MYH10: variants seen among roughly 807,000 people sequenced by gnomAD.
MYH10 encodes myosin heavy chain 10.
A neutral mutation model predicts 257.8 loss-of-function variants in MYH10; 55 were observed. That is an observed-to-expected ratio of 0.21 (90% CI 0.17 to 0.27). The LOEUF is 0.27. Ranked by LOEUF, MYH10 falls within the 10% of genes least tolerant of loss-of-function variation. The pLI is 1.00. For missense variants in MYH10, 1,631 were observed against 2,500.6 expected (o/e 0.65, Z 7.42); for synonymous variants, 854 against 921.7 (o/e 0.93, Z 1.33).
At chr17:8,494,410 G>T (rs1916257815) in intron 31 of MYH10, among the ~76,000 whole-genome samples, 1 of 152,216 alleles carries the variant, frequency 6.6e-6, no homozygotes, top group Admixed American at 6.5e-5. Context: ...GTGTGGAGCA[G>T]AATTTCTGGG....
rs1319486730 is a variant in MYH10 at position 8,509,890 on chromosome 17, CT to C, written c.3011del (p.Lys1004ArgfsTer2). 2 of 1,613,214 alleles carry C rather than the reference CT, an allele frequency of 1.2e-6. No homozygotes were observed. The highest frequency in any genetic ancestry group is 1.7e-6 in the Non-Finnish European group (2 of 1,179,594). On this transcript the variant is annotated frameshift_variant, in exon 25 of 43. Coordinates refer to ENST00000360416, the MANE Select transcript of MYH10 (RefSeq NM_001256012.3). LOFTEE classifies it high-confidence loss of function. ...EGARQKLQLE[K>X]VTAEAKIKKM... ...TCTTGATCTTGGCCTCTGCTGTCAC[CT>C]TTTCCAGCTGCAGCTTTTGCCGAGC...
intron 7 of MYH10, among the ~76,000 whole-genome samples, chr17:8,559,018 T>C (rs538050407): frequency 2.0e-5 from 3 of 152,344 alleles, no homozygotes; most frequent in South Asian, 4.1e-4. Flanking sequence ...TTTAATCTTA[T>C]TGCAAAATAC....
Position 8,506,598 on chromosome 17 carries a change from C to A in MYH10, c.3215-109G>T. On this transcript the variant is annotated intron_variant, in intron 26 of 42. Transcript: ENST00000360416. This position sits in a 1 kb window ranked among gnomAD's most constrained non-coding sequence, Gnocchi z 5.0. ...GAAAATAAGCCATTTTATTCAAAAG[C>A]ATGTCACTGCCCTGATGACATGGTC... 2 of 1,158,624 alleles carry A rather than the reference C, an allele frequency of 1.7e-6. No homozygotes were observed. Among genetic ancestry groups the A allele is most frequent in the Non-Finnish European group, 1.2e-6 (1 of 805,690 alleles). The allele number at this position is 1,158,624 out of a possible 1,614,324, so 71.8% of individuals were successfully genotyped here. A position where few individuals can be genotyped will look rare whatever the true frequency, so the allele number is the denominator to read the frequency against.
At chr17:8,508,167 C>T (rs183999615) in intron 26 of MYH10, among the ~76,000 whole-genome samples, 1 of 152,098 alleles carries the variant, frequency 6.6e-6, no homozygotes, top group African/African-American at 2.4e-5. Flanking sequence ...TCTGTCACCC[C>T]ACGATCACAG....
intron 10 of MYH10, 50 bp from the exon 11 acceptor site, chr17:8,548,458 G>C: frequency 6.9e-7 from 1 of 1,446,998 alleles, no homozygotes; most frequent in South Asian, 1.2e-5. Flanking sequence ...TCAAAATGTA[G>C]CGGAGACATA....
intron 38 of MYH10, among the ~76,000 whole-genome samples, chr17:8,481,053 C>T (rs1239393102): frequency 7.3e-5 from 4 of 54,424 alleles, no homozygotes; most frequent in East Asian, 1.1e-3. Flanking sequence ...CTGCAGTGCC[C>T]GTTGGCGCAC....
At chr17:8,499,791 G>A (rs1016321152) in intron 29 of MYH10, among the ~76,000 whole-genome samples, 4 of 152,214 alleles carry the variant, frequency 2.6e-5, no homozygotes, top group Non-Finnish European at 5.9e-5. Flanking sequence ...ATAAAAAAGT[G>A]TTGTTAGTGT....
At position 8,480,056 on chromosome 17, in the gene MYH10, C is replaced by G. The variant is rs1489196761; in HGVS notation, c.5597+54G>C. 4.4e-6 allele frequency: 7 copies of G among 1,583,508 alleles called. 1 individual carries two copies. The highest frequency in any genetic ancestry group is 2.3e-5 in the South Asian group (2 of 88,424). On this transcript the variant is annotated intron_variant, in intron 40 of 42. Transcript: ENST00000360416. ...CCCGAAAGGGGCATGCCTGTTTTGT[C>G]TCTGACTGAGCCTAGTTGGTAAGTT...
intron 3 of MYH10, among the ~76,000 whole-genome samples, chr17:8,595,081 C>T (rs111940510): frequency 5.9e-4 from 90 of 152,120 alleles, no homozygotes; most frequent in African/African-American, 2.0e-3. Flanking sequence ...TATTACTCAG[C>T]ACTAAAAAAG....
intron 1 of MYH10, among the ~76,000 whole-genome samples, chr17:8,625,540 C>T (rs184443862): frequency 1.1e-3 from 174 of 151,572 alleles, no homozygotes; most frequent in Middle Eastern, 3.4e-3. Context: ...GTGCAGTGGA[C>T]GCAATCTCAG....
rs1338581974 is a variant in MYH10 at position 8,481,346 on chromosome 17, T to G, written c.5240A>C (p.Glu1747Ala). 1 of 1,614,050 alleles carries G rather than the reference T, an allele frequency of 6.2e-7. No homozygotes were observed. The highest frequency in any genetic ancestry group is 8.5e-7 in the Non-Finnish European group (1 of 1,180,012). The change falls in exon 38 of 43, where the codon GAG becomes GCG. Residue 1747 changes from glutamate (E) to alanine (A), a missense_variant. Physicochemically the swap from Glu to Ala is moderately radical, Grantham distance 107. This residue lies in a region of MYH10 where 343 missense variants were observed against 389.5 expected (regional missense o/e 0.88). Transcript: ENST00000360416. Reference protein sequence around the residue: ...AEQERDELADEITNSASGKSA... With the variant: ...AEQERDELADAITNSASGKSA... ...CTTGCCAGAGGCGCTGTTGGTGATC[T>G]CGTCCGCCAGCTCATCTCTCTCCTG...
chr17:8,624,141 T>G (rs1343454126), intron 1 of MYH10, among the ~76,000 whole-genome samples: 1 of 152,222 alleles, frequency 6.6e-6, no homozygotes, highest in Non-Finnish European at 1.5e-5. Flanking sequence ...AAAGTACTGG[T>G]TCTGTGACAT....
rs374623761 is a variant in MYH10 at position 8,591,162 on chromosome 17, G to A, written c.503-2054C>T. The stretch of plus-strand genomic sequence containing the variant: ...GCTGGGATCACAGGCATGAGCCACC[G>A]TACCTGGCCAATGTTGCCTTCTTTT... On this transcript the variant is annotated intron_variant, in intron 3 of 42. Transcript: ENST00000360416. Among the ~76,000 whole-genome samples the A allele has an allele frequency of 4.6e-5, 7 of 152,088 alleles. No homozygotes were observed. The South Asian group carries it at 1.2e-3, about 27-fold the overall frequency.
intron 24 of MYH10, chr17:8,511,055 TATATACAC>T (rs1479093404): frequency 2.3e-4 from 13 of 56,048 alleles, no homozygotes; most frequent in African/African-American, 9.3e-4. Context: ...TATATATATA[TATATACAC>T]ACATACATAC....
intron 42 of MYH10, 28 bp downstream of exon 42, chr17:8,476,848 G>T (rs1486158896): frequency 5.7e-6 from 9 of 1,588,992 alleles, no homozygotes; most frequent in Non-Finnish European, 7.7e-6. Context: ...GCAGCTGCCT[G>T]TCAGCTCGGG....
At chr17:8,496,705 T>A (rs2151832041) in intron 30 of MYH10, among the ~76,000 whole-genome samples, 1 of 152,302 alleles carries the variant, frequency 6.6e-6, no homozygotes, top group East Asian at 1.9e-4. Flanking sequence ...AATATTTCAG[T>A]ACCTACACGT....
chr17:8,495,061 G>A, intron 31 of MYH10, 76 bp downstream of exon 31: 7 of 898,790 alleles, frequency 7.8e-6, no homozygotes, highest in Non-Finnish European at 1.3e-5. Flanking sequence ...GCAATTCTGG[G>A]GCCAGCATAT....
intron 16 of MYH10, among the ~76,000 whole-genome samples, chr17:8,533,136 A>G (rs1005043267): frequency 6.6e-6 from 1 of 152,028 alleles, no homozygotes; most frequent in African/African-American, 2.4e-5. Context: ...GTCGCCCCAT[A>G]TTCAACTCCT....
In MYH10 at chr17:8,577,436, TAATAAA is replaced by T. The variant is rs1173356321; in HGVS notation, c.531-104_531-99del. On this transcript the variant is annotated intron_variant, in intron 4 of 42. Coordinates refer to ENST00000360416, the MANE Select transcript of MYH10 (RefSeq NM_001256012.3). The stretch of plus-strand genomic sequence containing the variant: ...AATTAAATTGTATTGGAACAATAAT[TAATAAA>T]AATAAAAAGAATAAATAGAAAAAAT... 28 of 584,388 alleles carry T rather than the reference TAATAAA, an allele frequency of 4.8e-5. No individual in the cohort carries two copies. The South Asian group carries it at 5.0e-4, about 11-fold the overall frequency. The allele number at this position is 584,388 out of a possible 1,614,324, so 36.2% of individuals were successfully genotyped here.
Sources: gnomAD v4.1 joint callset for allele counts (sites outside exome capture counted in the v4.1 genomes callset) on GRCh38, gnomAD v4.1.1 for gene constraint, gnomAD v4.1.1 regional missense constraint, Gnocchi (gnomAD v3.1) non-coding constraint, MANE v1.5 for transcripts, NCBI Gene and HGNC (gene_info 2026-07-23, HGNC 2026-07-21) for gene names.